The following TMEM117 variants were observed in gnomAD, a reference collection of about 807,000 sequenced individuals.
TMEM117 encodes the protein transmembrane protein 117.
TMEM117 carries 27 observed loss-of-function variants against 52.4 expected under a neutral mutation model. The ratio of observed to expected loss-of-function variants is 0.51; its 90% CI spans 0.38 to 0.71. The LOEUF is 0.71. Ranked by LOEUF, TMEM117 falls within the 30% of genes least tolerant of loss-of-function variation. The pLI, the probability that TMEM117 is intolerant of heterozygous loss-of-function variation, is 0.00. For missense variants in TMEM117, 556 were observed against 630.5 expected (o/e 0.88, Z 1.26); for synonymous variants, 215 against 206.3 (o/e 1.04, Z -0.36).
At chr12:44,156,542 G>A (rs1017477586) in intron 4 of TMEM117, among the ~76,000 whole-genome samples, 8 of 152,030 alleles carry the variant, frequency 5.3e-5, no homozygotes, top group African/African-American at 1.4e-4. Flanking sequence ...TGTAGTCTGG[G>A]TGTTGGAATG....
chr12:44,324,321 T>C (rs1951169797), intron 6 of TMEM117, among the ~76,000 whole-genome samples: 1 of 152,056 alleles, frequency 6.6e-6, no homozygotes, highest in African/African-American at 2.4e-5. Flanking sequence ...ATTTTCACCA[T>C]CTTCAATATC....
intron 3 of TMEM117, among the ~76,000 whole-genome samples, chr12:43,949,250 G>A (rs907069150): frequency 7.9e-5 from 12 of 152,194 alleles, no homozygotes; most frequent in Admixed American, 7.9e-4. Flanking sequence ...AGTACACTTG[G>A]AAGAGGGCCA....
At chr12:43,816,018 G>A in the TMEM117 span, among the ~76,000 whole-genome samples, 1 of 152,332 alleles carries the variant, frequency 6.6e-6, no homozygotes, top group African/African-American at 2.4e-5. Context: ...CGTGTATATT[G>A]AGTAGGCTTT....
At chr12:44,127,532 TG>T (rs1228819611) in intron 3 of TMEM117, among the ~76,000 whole-genome samples, 2 of 151,980 alleles carry the variant, frequency 1.3e-5, no homozygotes, top group Non-Finnish European at 2.9e-5. Context: ...CAAAATTAGC[TG>T]GGTTTGTTGG....
chr12:44,238,197 T>C (rs777188774), intron 5 of TMEM117, among the ~76,000 whole-genome samples: 6 of 152,172 alleles, frequency 3.9e-5, no homozygotes, highest in Non-Finnish European at 2.9e-5. Context: ...ATTAGAAAAG[T>C]TAAAAGAGTT....
At position 43,968,702 on chromosome 12, in the gene TMEM117, TA is replaced by T. The variant is rs201978899; in HGVS notation, c.410+24372del. Among the ~76,000 whole-genome samples, 159 of 146,634 alleles carry T rather than the reference TA, an allele frequency of 1.1e-3. 2 individuals carry two copies. The East Asian group carries it at 0.014, about 12-fold the overall frequency. On this transcript the variant is annotated intron_variant, in intron 3 of 7. Transcript: ENST00000266534. The stretch of plus-strand genomic sequence containing the variant: ...GGGTAGCTAAAACCCTTTGCAGAAT[TA>T]AAAAAAAAAAATCTCTTTAGCACAA...
intron 3 of TMEM117, among the ~76,000 whole-genome samples, chr12:44,078,663 G>T (rs771282865): frequency 1.1e-4 from 16 of 151,992 alleles, no homozygotes; most frequent in Non-Finnish European, 1.9e-4. Context: ...TTACAATTGT[G>T]TAAAATTCTT....
At chr12:44,198,528 A>G (rs775697110) in intron 4 of TMEM117, among the ~76,000 whole-genome samples, 1 of 152,120 alleles carries the variant, frequency 6.6e-6, no homozygotes, top group Non-Finnish European at 1.5e-5. Flanking sequence ...TGTTGTTAAC[A>G]TTCTGTGTAC....
the TMEM117 span, chr12:43,805,575 G>A: frequency 4.3e-6 from 2 of 463,014 alleles, no homozygotes; most frequent in African/African-American, 4.0e-5. Context: ...AGATATAACT[G>A]CATATTGAAC....
chr12:43,844,521 T>C, intron 1 of TMEM117, 103 bp from the exon 2 acceptor site: 1 of 1,101,494 alleles, frequency 9.1e-7, no homozygotes, highest in Non-Finnish European at 1.3e-6. Context: ...TATCATCTTT[T>C]CCAAATACAT....
At chr12:43,964,544 A>G (rs546290179) in intron 3 of TMEM117, among the ~76,000 whole-genome samples, 1 of 152,294 alleles carries the variant, frequency 6.6e-6, no homozygotes, top group Non-Finnish European at 1.5e-5. Flanking sequence ...CATCCCATCT[A>G]TGGCTTGACA....
intron 3 of TMEM117, among the ~76,000 whole-genome samples, chr12:44,063,304 T>C (rs1947168601): frequency 6.6e-6 from 1 of 152,174 alleles, no homozygotes; most frequent in African/African-American, 2.4e-5. Flanking sequence ...CATTGACAGT[T>C]TGTATTCTCT....
intron 3 of TMEM117, among the ~76,000 whole-genome samples, chr12:44,080,718 A>T (rs1386593964): frequency 6.6e-6 from 1 of 152,186 alleles, no homozygotes. Context: ...AGAATATTTT[A>T]TGACCCAATG....
chr12:44,096,948 T>A (rs1947775309), intron 3 of TMEM117, among the ~76,000 whole-genome samples: 1 of 151,110 alleles, frequency 6.6e-6, no homozygotes, highest in African/African-American at 2.4e-5. Flanking sequence ...TGGGAGAAAA[T>A]TTTCACAACC....
rs373107043 is a variant in TMEM117 at position 43,992,010 on chromosome 12, A to G, written c.410+47668A>G. Among the ~76,000 whole-genome samples the G allele has an allele frequency of 2.2e-4, 34 of 152,100 alleles. No homozygotes were observed. The East Asian group carries it at 5.5e-3, about 25-fold the overall frequency. On this transcript the variant is annotated intron_variant, in intron 3 of 7. Coordinates refer to ENST00000266534, the MANE Select transcript of TMEM117 (RefSeq NM_032256.3). ...CCCCATCTCTACCAAAAAATATACA[A>G]AAATTAGCTGGGAGTGGTGGCACAT...
At position 43,844,710 on chromosome 12, in the gene TMEM117, A is replaced by G. The variant is rs908733313; in HGVS notation, c.59A>G (p.Tyr20Cys). ...QHPWSRMIVA[Y>C]LVIFFNFLIF... ...CCCTGGTCTCGCATGATTGTGGCTT[A>G]CTTGGTGATCTTCTTTAACTTCTTA... The change falls in exon 2 of 8, where the codon TAC (tyrosine) becomes TGC (cysteine). Residue 20 changes from tyrosine to cysteine, a missense_variant. Around this residue, in one of 3 missense-constraint regions of TMEM117, gnomAD observed 328 missense variants for 371.4 expected, o/e 0.88. Transcript: ENST00000266534. The G allele has an allele frequency of 1.9e-6, 3 of 1,614,180 alleles. No homozygotes were observed. The highest frequency in any genetic ancestry group is 2.5e-6 in the Non-Finnish European group (3 of 1,180,028).
intron 5 of TMEM117, among the ~76,000 whole-genome samples, chr12:44,232,957 C>G (rs1323986454): frequency 6.6e-6 from 1 of 151,156 alleles, no homozygotes; most frequent in African/African-American, 2.4e-5. Flanking sequence ...AGAATCCACT[C>G]AAATTTCATA....
chr12:44,035,026 T>C (rs2137879833), intron 3 of TMEM117, among the ~76,000 whole-genome samples: 1 of 152,322 alleles, frequency 6.6e-6, no homozygotes. Context: ...CAAACTGGAA[T>C]TTCCACTATC....
At chr12:44,165,367 A>G (rs922204273) in intron 4 of TMEM117, among the ~76,000 whole-genome samples, 1 of 152,228 alleles carries the variant, frequency 6.6e-6, no homozygotes, top group Non-Finnish European at 1.5e-5. Context: ...GACCTCACCT[A>G]TCAGTAAACT....
Sources: gnomAD v4.1 joint callset for allele counts (sites outside exome capture counted in the v4.1 genomes callset) on GRCh38, gnomAD v4.1.1 for gene constraint, gnomAD v4.1.1 regional missense constraint, MANE v1.5 for transcripts, NCBI Gene and HGNC (gene_info 2026-07-23, HGNC 2026-07-21) for gene names.